Variants in RORA observed in about 807,000 individuals in gnomAD.
The protein encoded by RORA is RAR related orphan receptor A, also known as nuclear receptor ROR-alpha.
Under a neutral mutation model 69.5 loss-of-function variants are expected in RORA, and 7 were observed. That is an observed-to-expected ratio of 0.10 (90% CI 0.06 to 0.19). RORA has a LOEUF of 0.19. Ranked by LOEUF, RORA falls within the 10% of genes least tolerant of loss-of-function variation. The pLI, the probability that RORA is intolerant of heterozygous loss-of-function variation, is 1.00. For synonymous variants in RORA, 261 were observed against 240.8 expected (o/e 1.08, Z -0.78); for missense variants, 457 against 663.0 (o/e 0.69, Z 3.41).
intron 1 of RORA, among the ~76,000 whole-genome samples, chr15:60,710,883 CACAA>C (rs989756817): frequency 2.6e-5 from 4 of 151,874 alleles, no homozygotes; most frequent in Non-Finnish European, 4.4e-5. Context: ...CTCCAGAGCA[CACAA>C]ACAATCAGGA....
intron 1 of RORA, among the ~76,000 whole-genome samples, chr15:60,854,495 C>T (rs944569543): frequency 6.6e-6 from 1 of 152,084 alleles, no homozygotes; most frequent in South Asian, 2.1e-4. Context: ...CTGCAAAATG[C>T]TACATGCAGA....
intron 1 of RORA, among the ~76,000 whole-genome samples, chr15:60,750,071 C>T (rs1045199187): frequency 1.3e-5 from 2 of 152,176 alleles, no homozygotes; most frequent in Admixed American, 6.5e-5. Context: ...TTTCTATGTG[C>T]CAAGTATTTT....
At chr15:60,794,675 A>G (rs2072466047) in intron 1 of RORA, among the ~76,000 whole-genome samples, 1 of 152,260 alleles carries the variant, frequency 6.6e-6, no homozygotes, top group Non-Finnish European at 1.5e-5. Context: ...ATACATGTTC[A>G]AAATGGCAAT....
At position 61,197,337 on chromosome 15, in the gene RORA, G is replaced by A. The variant is rs78954579; in HGVS notation, c.166+31716C>T. Among the ~76,000 whole-genome samples, 113 of 152,312 alleles carry A rather than the reference G, an allele frequency of 7.4e-4. No homozygotes were observed. The East Asian group carries it at 0.02, about 27-fold the overall frequency. On this transcript the variant is annotated intron_variant, in intron 1 of 10. Coordinates refer to ENST00000335670, the MANE Select transcript of RORA (RefSeq NM_134261.3). ...TTACAGGGAGAACAAAGTGGATCCC[G>A]TCTCCAGGCAAGGGCTCCCCCGTTC...
At chr15:60,512,849 A>G (rs994698212) in intron 4 of RORA, among the ~76,000 whole-genome samples, 2 of 152,232 alleles carry the variant, frequency 1.3e-5, no homozygotes, top group Non-Finnish European at 2.9e-5. Flanking sequence ...AACTGAAAAC[A>G]AAAACACACA....
intron 1 of RORA, among the ~76,000 whole-genome samples, chr15:61,146,393 G>T (rs2079349535): frequency 6.6e-6 from 1 of 151,860 alleles, no homozygotes; most frequent in Non-Finnish European, 1.5e-5. Context: ...AATTGTTGCT[G>T]CTTTAAAACT....
intron 2 of RORA, among the ~76,000 whole-genome samples, chr15:60,562,824 G>C (rs995069728): frequency 6.6e-6 from 1 of 152,004 alleles, no homozygotes. Context: ...TAATTGTCCT[G>C]CCTCAGACTC....
chr15:60,763,170 C>T (rs1367200837), intron 1 of RORA, among the ~76,000 whole-genome samples: 1 of 136,458 alleles, frequency 7.3e-6, no homozygotes, highest in Non-Finnish European at 1.5e-5. Context: ...GATATTTTCC[C>T]AAAACGTTCT....
chr15:60,898,541 A>AAATT (rs1350703619), intron 1 of RORA, among the ~76,000 whole-genome samples: 1 of 141,398 alleles, frequency 7.1e-6, no homozygotes, highest in Admixed American at 6.9e-5. Context: ...ATAAATAAAT[A>AAATT]AATTTAAATT....
At chr15:60,839,878 C>T (rs936404344) in intron 1 of RORA, among the ~76,000 whole-genome samples, 3 of 152,184 alleles carry the variant, frequency 2.0e-5, no homozygotes, top group Non-Finnish European at 4.4e-5. Context: ...AGTATGAAGG[C>T]TGGCATCTAG....
chr15:61,025,013 A>G (rs1895730170), intron 1 of RORA, among the ~76,000 whole-genome samples: 1 of 152,206 alleles, frequency 6.6e-6, no homozygotes, highest in South Asian at 2.1e-4. Flanking sequence ...GGTTGGGAGC[A>G]AGGCAAAAGT....
chr15:60,835,359 T>C (rs1020781265), intron 1 of RORA, among the ~76,000 whole-genome samples: 2 of 152,240 alleles, frequency 1.3e-5, no homozygotes, highest in Non-Finnish European at 2.9e-5. Flanking sequence ...GCTGGTGTTC[T>C]ATCAGTCAAT....
chr15:60,855,775 C>T (rs2073373370), intron 1 of RORA, among the ~76,000 whole-genome samples: 1 of 152,132 alleles, frequency 6.6e-6, no homozygotes. Context: ...CGCCACCACT[C>T]CCGGCTAATT....
intron 1 of RORA, among the ~76,000 whole-genome samples, chr15:61,206,746 C>T (rs1203747359): frequency 6.6e-6 from 1 of 152,204 alleles, no homozygotes; most frequent in Non-Finnish European, 1.5e-5. Flanking sequence ...CAGCACACAG[C>T]CCTCAGCAGC....
intron 3 of RORA, chr15:60,530,265 A>C (rs2066489413): frequency 6.6e-6 from 1 of 152,186 alleles, no homozygotes; most frequent in Non-Finnish European, 1.5e-5. Context: ...CAGACCAGAC[A>C]GATTATTTCA....
intron 1 of RORA, among the ~76,000 whole-genome samples, chr15:61,127,666 G>A (rs1197095417): frequency 6.6e-6 from 1 of 152,172 alleles, no homozygotes; most frequent in East Asian, 1.9e-4. Flanking sequence ...TTGTGCTGCT[G>A]GCATTTAAGT....
At chr15:60,985,822 C>T (rs916580348) in intron 1 of RORA, among the ~76,000 whole-genome samples, 3 of 152,036 alleles carry the variant, frequency 2.0e-5, no homozygotes, top group African/African-American at 7.2e-5. Flanking sequence ...TGACCTCATC[C>T]GCCCGCTTTG....
intron 1 of RORA, among the ~76,000 whole-genome samples, chr15:60,890,509 G>A (rs1296811062): frequency 1.3e-5 from 2 of 152,204 alleles, no homozygotes; most frequent in African/African-American, 4.8e-5. Context: ...GGAGGATGAC[G>A]CTGCAGAGGA....
At chr15:60,556,434 C>G (rs2067361159) in intron 2 of RORA, among the ~76,000 whole-genome samples, 3 of 152,208 alleles carry the variant, frequency 2.0e-5, no homozygotes, top group Admixed American at 1.3e-4. Flanking sequence ...TCTATCCCGC[C>G]TTTTCTCTTT....
Sources: gnomAD v4.1 joint callset for allele counts (sites outside exome capture counted in the v4.1 genomes callset) on GRCh38, gnomAD v4.1.1 for gene constraint, MANE v1.5 for transcripts, NCBI Gene and HGNC (gene_info 2026-07-23, HGNC 2026-07-21) for gene names.